PTPRG: variants seen among roughly 807,000 people sequenced by gnomAD.
PTPRG encodes the protein receptor-type tyrosine-protein phosphatase gamma.
In PTPRG, 102 loss-of-function variants were observed where a neutral mutation model predicts 165.3. That is an observed-to-expected ratio of 0.62 (90% CI 0.53 to 0.73). The LOEUF is 0.73. Ranked by LOEUF, PTPRG falls within the 30% of genes least tolerant of loss-of-function variation. PTPRG has a pLI of 0.00. For synonymous variants in PTPRG, 675 were observed against 669.5 expected (o/e 1.01, Z -0.13); for missense variants, 1,866 against 1,861.4 (o/e 1.00, Z -0.05).
intron 8 of PTPRG, among the ~76,000 whole-genome samples, chr3:62,180,095 A>G (rs958545906): frequency 6.6e-6 from 1 of 152,198 alleles, no homozygotes; most frequent in African/African-American, 2.4e-5. Flanking sequence ...ATGGAAAACA[A>G]ATGAGGGCAC....
chr3:61,568,921 A>G (rs896395329), intron 1 of PTPRG, among the ~76,000 whole-genome samples: 5 of 145,224 alleles, frequency 3.4e-5, no homozygotes, highest in Non-Finnish European at 6.1e-5. Flanking sequence ...AAAAAAAAAA[A>G]AGATTCGTTT....
chr3:61,610,757 C>CCCTCCCTCCCTCCCTCCCTA, intron 1 of PTPRG, among the ~76,000 whole-genome samples: 1 of 112,730 alleles, frequency 8.9e-6, no homozygotes, highest in East Asian at 3.0e-4. Context: ...CTGCCTCCCT[C>CCCTCCCTCCCTCCCTCCCTA]CCTCCCTCCC....
chr3:62,146,221 A>G lies in PTPRG; in HGVS notation c.683-10846A>G, dbSNP rs1455460662. Among the ~76,000 whole-genome samples, 5 of 152,348 alleles carry G rather than the reference A, an allele frequency of 3.3e-5. No homozygotes were observed. In the South Asian group the frequency reaches 8.3e-4, roughly 25 times the overall value. ...TCTTTGGAAATATTAATGTCAACAT[A>G]CATTTCATTTAAACATCAACCCTTA... On this transcript the variant is annotated intron_variant, in intron 6 of 29. Transcript: ENST00000474889.
At chr3:61,841,790 C>T (rs1052785123) in intron 2 of PTPRG, among the ~76,000 whole-genome samples, 14 of 151,954 alleles carry the variant, frequency 9.2e-5, no homozygotes, top group Non-Finnish European at 1.8e-4. Context: ...TGTGCCAGGG[C>T]GACAGAGCGA....
At position 62,190,137 on chromosome 3, in the gene PTPRG, G is replaced by C. The variant is rs1292840936; in HGVS notation, c.1034-1332G>C. On this transcript the variant is annotated intron_variant, in intron 8 of 29. Transcript: ENST00000474889. This position sits in a 1 kb window ranked among gnomAD's most constrained non-coding sequence, Gnocchi z 5.2. The stretch of plus-strand genomic sequence containing the variant: ...TGAGCCTCCATCTCTTAGAGTGGAG[G>C]TTCTCAGCCGAAGGTGATTGGCCCC... Among the ~76,000 whole-genome samples, 1 of 152,176 alleles carries C rather than the reference G, an allele frequency of 6.6e-6. No homozygotes were observed. The highest frequency in any genetic ancestry group is 1.5e-5 in the Non-Finnish European group (1 of 68,038).
chr3:61,731,579 C>A (rs1014176800), intron 1 of PTPRG, among the ~76,000 whole-genome samples: 3 of 151,998 alleles, frequency 2.0e-5, no homozygotes, highest in Non-Finnish European at 2.9e-5. Context: ...AATCTCCTGA[C>A]CTCGTGATCT....
At chr3:61,629,785 A>G (rs1294144041) in intron 1 of PTPRG, among the ~76,000 whole-genome samples, 1 of 152,214 alleles carries the variant, frequency 6.6e-6, no homozygotes, top group East Asian at 1.9e-4. Context: ...TTTTGAAGTC[A>G]TAATAAAAGA....
intron 5 of PTPRG, among the ~76,000 whole-genome samples, chr3:62,124,901 A>T (rs1703230535): frequency 6.6e-6 from 1 of 152,138 alleles, no homozygotes; most frequent in Admixed American, 6.5e-5. Flanking sequence ...TACTGAATAA[A>T]ACTAAGCCAC....
intron 1 of PTPRG, among the ~76,000 whole-genome samples, chr3:61,703,877 A>G (rs2031111425): frequency 6.6e-6 from 1 of 152,210 alleles, no homozygotes; most frequent in Admixed American, 6.5e-5. Flanking sequence ...GGACGGCAAT[A>G]TATAGCATTG....
chr3:61,910,018 T>C (rs2038760466), intron 2 of PTPRG, among the ~76,000 whole-genome samples: 1 of 152,224 alleles, frequency 6.6e-6, no homozygotes, highest in African/African-American at 2.4e-5. Context: ...TCTCTTTCAC[T>C]CATATTCCAT....
chr3:61,817,151 A>T (rs1442961658), intron 2 of PTPRG, among the ~76,000 whole-genome samples: 4 of 116,824 alleles, frequency 3.4e-5, no homozygotes, highest in Non-Finnish European at 6.6e-5. Context: ...TATTACATAT[A>T]TATAATATAT....
In PTPRG at chr3:62,124,407, C is replaced by A. The variant is rs144361109; in HGVS notation, c.616-8195C>A. On this transcript the variant is annotated intron_variant, in intron 5 of 29. Transcript: ENST00000474889. ...TGCAGGTCCAAGATGTAGTCGATGA[C>A]GTGCTGCAGGATTTCCATCTTGCTC... The A allele has an allele frequency of 1.4e-5, 23 of 1,613,756 alleles. No individual in the cohort carries two copies. The Admixed American group carries it at 3.8e-4, about 27-fold the overall frequency.
chr3:61,963,389 A>T (rs1194266579), intron 2 of PTPRG, among the ~76,000 whole-genome samples: 1 of 152,152 alleles, frequency 6.6e-6, no homozygotes, highest in East Asian at 1.9e-4. Context: ...AAAGATATAT[A>T]TGGCATCTAG....
chr3:62,088,493 A>G (rs994625581), intron 5 of PTPRG, among the ~76,000 whole-genome samples: 1 of 152,248 alleles, frequency 6.6e-6, no homozygotes, highest in Non-Finnish European at 1.5e-5. Context: ...GGATTCCAAC[A>G]TAAGGTGCAA....
intron 4 of PTPRG, among the ~76,000 whole-genome samples, chr3:62,039,134 T>C (rs948846468): frequency 3.3e-5 from 5 of 152,062 alleles, no homozygotes; most frequent in African/African-American, 9.7e-5. Context: ...GGGGTTTCAC[T>C]GTGTTGGCTA....
intron 2 of PTPRG, among the ~76,000 whole-genome samples, chr3:61,881,676 A>G (rs2037892718): frequency 6.6e-6 from 1 of 152,224 alleles, no homozygotes; most frequent in African/African-American, 2.4e-5. Flanking sequence ...CCTCAAATAC[A>G]TTTACACAAC....
chr3:62,253,558 A>G (rs146643153), intron 15 of PTPRG, among the ~76,000 whole-genome samples: 71 of 152,276 alleles, frequency 4.7e-4, no homozygotes, highest in African/African-American at 1.6e-3. Flanking sequence ...TTTCATTGCC[A>G]CTGATCATTA....
intron 4 of PTPRG, among the ~76,000 whole-genome samples, chr3:62,021,629 A>G (rs1338874950): frequency 1.3e-5 from 2 of 152,180 alleles, no homozygotes; most frequent in African/African-American, 4.8e-5. Context: ...TTTGTGTTAC[A>G]GTGCGCTTGT....
intron 2 of PTPRG, among the ~76,000 whole-genome samples, chr3:61,806,157 C>T (rs2035409962): frequency 6.6e-6 from 1 of 152,048 alleles, no homozygotes; most frequent in Non-Finnish European, 1.5e-5. Flanking sequence ...ACTTGCATAC[C>T]ATTTTTAGCC....
Sources: gnomAD v4.1 joint callset for allele counts (sites outside exome capture counted in the v4.1 genomes callset) on GRCh38, gnomAD v4.1.1 for gene constraint, Gnocchi (gnomAD v3.1) non-coding constraint, MANE v1.5 for transcripts, NCBI Gene and HGNC (gene_info 2026-07-23, HGNC 2026-07-21) for gene names.